The following SIPA1L1 variants were observed in gnomAD, a reference collection of about 807,000 sequenced individuals.
SIPA1L1 encodes the protein signal-induced proliferation-associated 1-like protein 1.
A neutral mutation model predicts 162.7 loss-of-function variants in SIPA1L1; 26 were observed. That is an observed-to-expected ratio of 0.16 (90% CI 0.12 to 0.22). SIPA1L1 has a LOEUF of 0.22. SIPA1L1 is among the 10% of genes least tolerant of loss of function. SIPA1L1 has a pLI of 1.00. For synonymous variants in SIPA1L1, 829 were observed against 837.4 expected, an observed-to-expected ratio of 0.99 and a Z score of 0.17; for missense variants, 1,874 against 2,241.0, an observed-to-expected ratio of 0.84 and a Z score of 3.31.
chr14:71,706,286 T>C (rs1374721308), intron 16 of SIPA1L1, among the ~76,000 whole-genome samples: 1 of 152,184 alleles, frequency 6.6e-6, no homozygotes, highest in African/African-American at 2.4e-5. Flanking sequence ...TACTTGTAAA[T>C]GATAGATTAT....
At chr14:71,549,188 G>A (rs1056931840) in intron 4 of SIPA1L1, among the ~76,000 whole-genome samples, 2 of 152,154 alleles carry the variant, frequency 1.3e-5, no homozygotes, top group African/African-American at 4.8e-5. Flanking sequence ...CCTTCCAGGG[G>A]GCCCACAGTG....
At chr14:71,502,329 C>G (rs2050326692) in intron 2 of SIPA1L1, among the ~76,000 whole-genome samples, 1 of 148,992 alleles carries the variant, frequency 6.7e-6, no homozygotes, top group Admixed American at 6.7e-5. Context: ...ACCTCCGCCT[C>G]CAGGGTTTAA....
At chr14:71,733,333 G>A (rs1051844856) in intron 20 of SIPA1L1, among the ~76,000 whole-genome samples, 11 of 152,198 alleles carry the variant, frequency 7.2e-5, no homozygotes, top group Non-Finnish European at 1.3e-4. Flanking sequence ...CCTTGACTCT[G>A]TGCAGGAAAG....
intron 6 of SIPA1L1, among the ~76,000 whole-genome samples, chr14:71,619,537 C>T (rs1339938537): frequency 3.3e-5 from 5 of 151,712 alleles, no homozygotes; most frequent in East Asian, 1.9e-4. Flanking sequence ...TAAAAAGAAC[C>T]CACACAGCAT....
At chr14:71,690,073 GT>G (rs2149639809) in intron 13 of SIPA1L1, among the ~76,000 whole-genome samples, 1 of 152,190 alleles carries the variant, frequency 6.6e-6, no homozygotes, top group African/African-American at 2.4e-5. Flanking sequence ...CTCTTCTTTT[GT>G]TTAGAATATT....
Position 71,618,812 on chromosome 14 carries a change from T to G in SIPA1L1, c.1554T>G (p.Ile518Met). 1 of 1,614,032 alleles carries G rather than the reference T, an allele frequency of 6.2e-7. No individual in the cohort carries two copies. Among genetic ancestry groups the G allele is most frequent in the Admixed American group, 1.7e-5 (1 of 60,020 alleles). Residue 518 changes from isoleucine (I) to methionine (M), a missense_variant, in exon 6 of 24, where the codon ATT (isoleucine) becomes ATG (methionine). Ile to Met is a conservative substitution (Grantham distance 10). Around this residue, in one of 5 missense-constraint regions of SIPA1L1, gnomAD observed 685 missense variants for 828.0 expected, o/e 0.83. Transcript: ENST00000381232. ...DENLGPVAVS[I>M]RREKPDEMKE... The stretch of plus-strand genomic sequence containing the variant: ...ATCTTGGTCCAGTGGCTGTGAGCAT[T>G]CGAAGGGAAAAACCAGATGAAATGA...
chr14:71,697,473 G>A (rs541330194), intron 13 of SIPA1L1, among the ~76,000 whole-genome samples: 2 of 152,250 alleles, frequency 1.3e-5, no homozygotes, highest in African/African-American at 4.8e-5. Context: ...TGTGAATAAA[G>A]CCATTATGTG....
chr14:71,346,053 G>A (rs1197780169), intron 2 of SIPA1L1, among the ~76,000 whole-genome samples: 2 of 151,922 alleles, frequency 1.3e-5, no homozygotes, highest in African/African-American at 4.8e-5. Flanking sequence ...GACTACATGC[G>A]CTTGCCACCA....
intron 20 of SIPA1L1, among the ~76,000 whole-genome samples, chr14:71,731,398 A>G (rs1379416035): frequency 6.6e-6 from 1 of 152,136 alleles, no homozygotes. Flanking sequence ...TGCGCCAGGA[A>G]GTCACCTCCG....
intron 5 of SIPA1L1, among the ~76,000 whole-genome samples, chr14:71,596,146 G>A (rs182050797): frequency 6.6e-6 from 1 of 152,294 alleles, no homozygotes; most frequent in Admixed American, 6.5e-5. Context: ...GTCCTTCAAA[G>A]GAAAGAGGAG....
chr14:71,655,470 C>T (rs1366557279), intron 8 of SIPA1L1, among the ~76,000 whole-genome samples: 1 of 152,054 alleles, frequency 6.6e-6, no homozygotes, highest in Non-Finnish European at 1.5e-5. Flanking sequence ...ATTTCTTTTC[C>T]TTTGAGTAGA....
rs191816207 is a variant in SIPA1L1, at chr14:71,557,546, A to G, written c.-303+28176A>G. 7.2e-5 allele frequency among the ~76,000 whole-genome samples: 11 copies of G among 152,346 alleles called. No individual in the cohort carries two copies. In the East Asian group the frequency reaches 1.9e-3, roughly 27 times the overall value. The stretch of plus-strand genomic sequence containing the variant: ...TGTTAACTTTTGGCTTTGATGTGGT[A>G]CTTGAGATGTGAGTGCCTGTTTAAT... On this transcript the variant is annotated intron_variant, in intron 4 of 23. Coordinates refer to ENST00000381232, the MANE Select transcript of SIPA1L1 (RefSeq NM_001386936.1).
At chr14:71,490,991 A>G (rs1381429859) in intron 2 of SIPA1L1, among the ~76,000 whole-genome samples, 5 of 152,234 alleles carry the variant, frequency 3.3e-5, no homozygotes, top group African/African-American at 9.6e-5. Flanking sequence ...GATATTTATC[A>G]TATCCTAATA....
chr14:71,673,963 G>T (rs886903142), intron 12 of SIPA1L1, among the ~76,000 whole-genome samples: 1 of 152,190 alleles, frequency 6.6e-6, no homozygotes, highest in African/African-American at 2.4e-5. Context: ...GCTCAGAAAG[G>T]CAGTGGGGTT....
chr14:71,451,744 A>G (rs2045842996), intron 2 of SIPA1L1, among the ~76,000 whole-genome samples: 1 of 152,074 alleles, frequency 6.6e-6, no homozygotes, highest in African/African-American at 2.4e-5. Flanking sequence ...TTCTCACCAC[A>G]AAAAAATGAA....
intron 6 of SIPA1L1, among the ~76,000 whole-genome samples, chr14:71,619,716 A>C (rs1194196240): frequency 3.9e-5 from 6 of 152,136 alleles, no homozygotes; most frequent in Non-Finnish European, 7.3e-5. Context: ...TCTAGAAAAT[A>C]ATGGTTTTGA....
chr14:71,502,255 A>AAAAAATATATATATATATATATAT (rs67020418), intron 2 of SIPA1L1, among the ~76,000 whole-genome samples: 6 of 97,550 alleles, frequency 6.2e-5, no homozygotes, highest in African/African-American at 2.7e-4. Context: ...AAAAAAAAAA[A>AAAAAATATATATATATATATATAT]ATATATATAT....
chr14:71,471,323 G>A (rs930378934), intron 2 of SIPA1L1, among the ~76,000 whole-genome samples: 11 of 152,278 alleles, frequency 7.2e-5, no homozygotes, highest in Middle Eastern at 3.4e-3. Flanking sequence ...ACGAAAATTA[G>A]TCGGGCGTGG....
At chr14:71,544,203 ATGCACATGCATGTG>A (rs1280366045) in intron 4 of SIPA1L1, among the ~76,000 whole-genome samples, 1 of 144,930 alleles carries the variant, frequency 6.9e-6, no homozygotes, top group Non-Finnish European at 1.6e-5. Flanking sequence ...ATATGCATGT[ATGCACATGCATGTG>A]TATATACATA....
Sources: allele counts gnomAD v4.1 joint callset (sites outside exome capture counted in the v4.1 genomes callset), GRCh38; gene constraint gnomAD v4.1.1; regional missense constraint gnomAD v4.1.1; transcripts MANE v1.5; gene names NCBI Gene and HGNC (gene_info 2026-07-23, HGNC 2026-07-21).